The following PSME3IP1 variants were observed in gnomAD, a reference collection of about 807,000 sequenced individuals.
PSME3IP1 encodes the protein proteasome activator subunit 3 interacting protein 1.
PSME3IP1 carries 13 observed loss-of-function variants against 34.1 expected under a neutral mutation model. The observed-to-expected ratio is 0.38, with a 90% CI of 0.25 to 0.61. The LOEUF (loss-of-function observed/expected upper bound fraction) is 0.61, where lower values mean the gene tolerates loss of function less well. Ranked by LOEUF, PSME3IP1 falls within the 20% of genes least tolerant of loss-of-function variation. PSME3IP1 has a pLI of 0.60. For synonymous variants in PSME3IP1, 93 were observed against 114.3 expected, an observed-to-expected ratio of 0.81 and a Z score of 1.19; for missense variants, 237 against 301.4, an observed-to-expected ratio of 0.79 and a Z score of 1.58.
chr16:57,171,963 C>G (rs2072634312), intron 4 of PSME3IP1, among the ~76,000 whole-genome samples: 1 of 152,206 alleles, frequency 6.6e-6, no homozygotes, highest in South Asian at 2.1e-4. Context: ...CTGGATGAAG[C>G]TGACTGCACT....
rs2070863723 is a variant in PSME3IP1 at position 57,158,721 on chromosome 16, T to G, written c.548-4214A>C. On this transcript the variant is annotated intron_variant, in intron 6 of 6. Transcript: ENST00000309137. ...AAGTACAGACACCCCTGCTTAATGA[T>G]GGGAATATGACCTAAGAAATGCATC... Among the ~76,000 whole-genome samples, 2 of 152,256 alleles carry G rather than the reference T, an allele frequency of 1.3e-5. 1 individual carries two copies. Among genetic ancestry groups the G allele is most frequent in the South Asian group, 4.1e-4 (2 of 4,834 alleles).
chr16:57,169,669 C>T (rs75369342), intron 4 of PSME3IP1, among the ~76,000 whole-genome samples: 2,758 of 152,314 alleles, frequency 0.018, 94 homozygotes, highest in African/African-American at 0.064. Flanking sequence ...GGGCATCTCA[C>T]ACTCAACAGC....
chr16:57,167,268 C>T (rs374882233), intron 4 of PSME3IP1, 42 bp from the exon 5 acceptor site: 17 of 1,612,630 alleles, frequency 1.1e-5, no homozygotes, highest in Non-Finnish European at 1.4e-5. Flanking sequence ...AAAGGGAAGA[C>T]AACAAATATA....
intron 6 of PSME3IP1, among the ~76,000 whole-genome samples, chr16:57,162,985 T>G (rs1469414460): frequency 2.0e-5 from 3 of 151,794 alleles, no homozygotes; most frequent in Non-Finnish European, 2.9e-5. Flanking sequence ...GCCAACATGG[T>G]GAAATCCTGT....
At chr16:57,172,524 T>A in intron 3 of PSME3IP1, 152 bp from the exon 4 acceptor site, 1 of 867,204 alleles carries the variant, frequency 1.2e-6, no homozygotes, top group South Asian at 1.8e-5. Context: ...TAACAGGGCA[T>A]AAAAAAAAAC....
At chr16:57,183,436 G>A (rs1190146813) in intron 1 of PSME3IP1, among the ~76,000 whole-genome samples, 2 of 151,986 alleles carry the variant, frequency 1.3e-5, no homozygotes, top group Admixed American at 6.6e-5. Flanking sequence ...AGGTTCAAGC[G>A]ATTCTCCTAC....
intron 1 of PSME3IP1, among the ~76,000 whole-genome samples, chr16:57,184,213 G>A (rs2073959634): frequency 6.6e-6 from 1 of 150,670 alleles, no homozygotes; most frequent in South Asian, 2.1e-4. Context: ...AAGACATAGA[G>A]AAAAGAGTGA....
At chr16:57,182,652 G>A (rs2073837531) in intron 1 of PSME3IP1, among the ~76,000 whole-genome samples, 1 of 125,130 alleles carries the variant, frequency 8.0e-6, no homozygotes. Flanking sequence ...GCTCATGCCT[G>A]TAACCCTAGC....
At chr16:57,160,424 CA>C (rs1473403458) in intron 6 of PSME3IP1, among the ~76,000 whole-genome samples, 7 of 152,058 alleles carry the variant, frequency 4.6e-5, no homozygotes, top group Non-Finnish European at 1.5e-5. Context: ...TGAAAAATTC[CA>C]AAATTGCTGA....
intron 6 of PSME3IP1, 88 bp downstream of exon 6, chr16:57,163,912 CA>C: frequency 1.6e-6 from 2 of 1,266,208 alleles, no homozygotes; most frequent in Non-Finnish European, 2.3e-6. Flanking sequence ...GACAGAAATG[CA>C]TTCATTTGCA....
chr16:57,171,483 G>T (rs1362142364), intron 4 of PSME3IP1, among the ~76,000 whole-genome samples: 1 of 152,184 alleles, frequency 6.6e-6, no homozygotes, highest in Non-Finnish European at 1.5e-5. Context: ...CTTGTCTAAG[G>T]AATAGATTAT....
In PSME3IP1 at chr16:57,181,152, C is replaced by T. The variant is rs1346392169; in HGVS notation, c.-16+4669G>A. ...TTTATCTTGAATTCACCTATACACA[C>T]TAGAAGAAAGATAACTAATTTAAAT... On this transcript the variant is annotated intron_variant, in intron 1 of 6. Transcript: ENST00000309137. 2.6e-5 allele frequency among the ~76,000 whole-genome samples: 4 copies of T among 152,210 alleles called. No individual in the cohort carries two copies. The South Asian group carries it at 8.3e-4, about 32-fold the overall frequency.
chr16:57,173,369 C>T (rs2072824985), intron 2 of PSME3IP1, among the ~76,000 whole-genome samples: 1 of 152,188 alleles, frequency 6.6e-6, no homozygotes, highest in Non-Finnish European at 1.5e-5. Context: ...GTGGCTCACA[C>T]CTGTAATCCC....
At chr16:57,161,469 T>C (rs2071220657) in intron 6 of PSME3IP1, among the ~76,000 whole-genome samples, 1 of 151,982 alleles carries the variant, frequency 6.6e-6, no homozygotes, top group African/African-American at 2.4e-5. Flanking sequence ...AAAAAAGCCA[T>C]AGTAGCCAAA....
chr16:57,159,245 A>C (rs552958187), intron 6 of PSME3IP1, among the ~76,000 whole-genome samples: 1 of 152,348 alleles, frequency 6.6e-6, no homozygotes, highest in South Asian at 2.1e-4. Context: ...AGGAGGTTTC[A>C]AGAAAGAAAA....
At chr16:57,181,429 C>G (rs1447729446) in intron 1 of PSME3IP1, 2 of 152,090 alleles carry the variant, frequency 1.3e-5, no homozygotes, top group Non-Finnish European at 2.9e-5. Flanking sequence ...TTCTCTCACT[C>G]AACAATCAAC....
chr16:57,166,651 A>G (rs904243447), intron 5 of PSME3IP1, among the ~76,000 whole-genome samples: 2 of 152,150 alleles, frequency 1.3e-5, no homozygotes, highest in Admixed American at 1.3e-4. Context: ...TCCTTTCACA[A>G]GACTCACTAC....
intron 6 of PSME3IP1, among the ~76,000 whole-genome samples, chr16:57,160,829 A>C (rs1248449743): frequency 1.3e-5 from 2 of 152,242 alleles, no homozygotes; most frequent in Non-Finnish European, 2.9e-5. Flanking sequence ...ACAGTATATA[A>C]TGTATTCTTG....
intron 1 of PSME3IP1, among the ~76,000 whole-genome samples, chr16:57,185,238 C>A (rs147023223): frequency 1.3e-5 from 2 of 152,318 alleles, no homozygotes; most frequent in African/African-American, 4.8e-5. Flanking sequence ...ACAAACAGGT[C>A]TCCCCCTTTC....
Sources: gnomAD v4.1 joint callset for allele counts (sites outside exome capture counted in the v4.1 genomes callset) on GRCh38, gnomAD v4.1.1 for gene constraint, MANE v1.5 for transcripts, NCBI Gene and HGNC (gene_info 2026-07-23, HGNC 2026-07-21) for gene names.